Variants in TBC1D19 observed in about 807,000 individuals in gnomAD.
The protein encoded by TBC1D19 is TBC1 domain family member 19.
In TBC1D19, 60 loss-of-function variants were observed where a neutral mutation model predicts 89.0. That is an observed-to-expected ratio of 0.67 (90% CI 0.55 to 0.84). The LOEUF is 0.84. Ranked by LOEUF, TBC1D19 falls within the 40% of genes least tolerant of loss-of-function variation. The pLI is 0.00. For missense variants in TBC1D19, 500 were observed against 610.8 expected, an observed-to-expected ratio of 0.82 and a Z score of 1.91; for synonymous variants, 189 against 199.7, an observed-to-expected ratio of 0.95 and a Z score of 0.45.
At chr4:26,715,874 C>T (rs1313114694) in intron 13 of TBC1D19, among the ~76,000 whole-genome samples, 19 of 152,096 alleles carry the variant, frequency 1.2e-4, no homozygotes, top group Non-Finnish European at 4.4e-5. Flanking sequence ...CTGCCACACA[C>T]TGCTGCCATC....
intron 7 of TBC1D19, among the ~76,000 whole-genome samples, chr4:26,646,620 T>A (rs1743978270): frequency 1.3e-5 from 2 of 152,208 alleles, no homozygotes; most frequent in Admixed American, 1.3e-4. Flanking sequence ...ATGCAGCCAT[T>A]AAAAAGGGTG....
chr4:26,594,760 C>T (rs990892946), intron 1 of TBC1D19, among the ~76,000 whole-genome samples: 2 of 152,106 alleles, frequency 1.3e-5, no homozygotes, highest in Non-Finnish European at 1.5e-5. Flanking sequence ...CCGACTGAGC[C>T]GGTGCACCTA....
At chr4:26,838,717 A>G in the TBC1D19 span, among the ~76,000 whole-genome samples, 3 of 152,366 alleles carry the variant, frequency 2.0e-5, no homozygotes, top group Admixed American at 6.5e-5. Flanking sequence ...TTACTTCGCA[A>G]GGATTCCAAA....
chr4:26,693,402 A>G (rs1714469874), intron 13 of TBC1D19, among the ~76,000 whole-genome samples: 1 of 152,210 alleles, frequency 6.6e-6, no homozygotes, highest in South Asian at 2.1e-4. Context: ...TGCTTAAAAA[A>G]GTAAAGTAAG....
intron 11 of TBC1D19, 146 bp downstream of exon 11, chr4:26,674,034 T>G: frequency 2.0e-6 from 1 of 512,478 alleles, no homozygotes; most frequent in Non-Finnish European, 3.5e-6. Context: ...AGTTTTAGGT[T>G]CTAAAATAAG....
chr4:26,831,832 C>T, the TBC1D19 span, among the ~76,000 whole-genome samples: 977 of 152,192 alleles, frequency 6.4e-3, 14 homozygotes, highest in African/African-American at 0.022. Context: ...ACCTCGTGAT[C>T]TGCCCACCTC....
the TBC1D19 span, among the ~76,000 whole-genome samples, chr4:26,855,052 C>A: frequency 6.6e-6 from 1 of 152,226 alleles, no homozygotes; most frequent in South Asian, 2.1e-4. Flanking sequence ...TCGTGAGAGA[C>A]TGAGCAGCCA....
chr4:26,636,011 CATATT>C (rs1185705223), intron 4 of TBC1D19, among the ~76,000 whole-genome samples: 3 of 152,032 alleles, frequency 2.0e-5, no homozygotes, highest in Non-Finnish European at 2.9e-5. Context: ...TGATAATTAT[CATATT>C]ATGCCACTGT....
chr4:26,753,732 G>A (rs766210883), intron 19 of TBC1D19, 88 bp from the exon 20 acceptor site: 46 of 1,406,192 alleles, frequency 3.3e-5, no homozygotes, highest in African/African-American at 5.6e-5. Flanking sequence ...CTGAGTTTCC[G>A]TGCAGTGGAT....
At chr4:26,614,319 C>A in intron 2 of TBC1D19, 89 bp from the exon 3 acceptor site, 1 of 950,606 alleles carries the variant, frequency 1.1e-6, no homozygotes, top group South Asian at 1.7e-5. Flanking sequence ...AATATGATGC[C>A]AAAGTTTTAT....
At chr4:26,716,895 C>G (rs564091047) in intron 13 of TBC1D19, among the ~76,000 whole-genome samples, 1 of 152,148 alleles carries the variant, frequency 6.6e-6, no homozygotes, top group Non-Finnish European at 1.5e-5. Flanking sequence ...ATCCTCCTGC[C>G]TTGGCCTCCC....
intron 10 of TBC1D19, among the ~76,000 whole-genome samples, chr4:26,673,325 C>T (rs1712476811): frequency 6.6e-6 from 1 of 150,524 alleles, no homozygotes; most frequent in Admixed American, 6.7e-5. Context: ...CCATACATTT[C>T]CAAATATTAG....
intron 3 of TBC1D19, among the ~76,000 whole-genome samples, chr4:26,620,077 A>C (rs1317576926): frequency 6.6e-6 from 1 of 152,118 alleles, no homozygotes; most frequent in Non-Finnish European, 1.5e-5. Context: ...ACCACTCTGC[A>C]CTTCAGTCAT....
chr4:26,660,514 T>G (rs761362429), intron 8 of TBC1D19, among the ~76,000 whole-genome samples: 1 of 152,226 alleles, frequency 6.6e-6, no homozygotes, highest in Admixed American at 6.5e-5. Context: ...TGCTTTATCA[T>G]GCTGGAGCCG....
chr4:26,772,518 A>G, the TBC1D19 span, among the ~76,000 whole-genome samples: 1 of 151,962 alleles, frequency 6.6e-6, no homozygotes, highest in South Asian at 2.1e-4. Context: ...TGTTTGTTAC[A>G]TAGGTAAACG....
At chr4:26,579,119 A>T (rs1739023596), upstream of TBC1D19, among the ~76,000 whole-genome samples, 1 of 152,204 alleles carries the variant, frequency 6.6e-6, no homozygotes, top group African/African-American at 2.4e-5. Context: ...AGTCTAAACC[A>T]CACACAACCA....
downstream of TBC1D19, among the ~76,000 whole-genome samples, chr4:26,758,074 G>A (rs986344330): frequency 6.6e-6 from 1 of 151,940 alleles, no homozygotes; most frequent in African/African-American, 2.4e-5. Flanking sequence ...ATTTCTCAAG[G>A]CCTTCCCCCA....
chr4:26,581,414 C>T (rs560194632), upstream of TBC1D19, among the ~76,000 whole-genome samples: 2 of 152,246 alleles, frequency 1.3e-5, no homozygotes, highest in South Asian at 4.2e-4. Context: ...TGTGATGTTC[C>T]CCTCCCTGTG....
At chr4:26,622,284 T>G (rs1742105995) in intron 4 of TBC1D19, among the ~76,000 whole-genome samples, 1 of 152,052 alleles carries the variant, frequency 6.6e-6, no homozygotes, top group South Asian at 2.1e-4. Flanking sequence ...AAAATAAAAC[T>G]AAGAAGGTTG....
Sources: gnomAD v4.1 joint callset for allele counts (sites outside exome capture counted in the v4.1 genomes callset) on GRCh38, gnomAD v4.1.1 for gene constraint, MANE v1.5 for transcripts, NCBI Gene and HGNC (gene_info 2026-07-23, HGNC 2026-07-21) for gene names.